Variants in IKZF1 observed in about 807,000 individuals in gnomAD.
IKZF1 encodes the protein IKAROS family zinc finger 1.
A neutral mutation model predicts 51.7 loss-of-function variants in IKZF1; 10 were observed. The ratio of observed to expected loss-of-function variants is 0.19; its 90% CI spans 0.12 to 0.33. The LOEUF is 0.33. Among genes scored for constraint, IKZF1 ranks in the 10% least tolerant of loss-of-function variants. The probability of loss-of-function intolerance (pLI) is 1.00; values close to 1 mark genes in which losing one functional copy is unlikely to be tolerated. For synonymous variants in IKZF1, 280 were observed against 282.3 expected (o/e 0.99, Z 0.08); for missense variants, 484 against 707.5 (o/e 0.68, Z 3.58).
chr7:50,348,387 A>G (rs1450513847), intron 3 of IKZF1, among the ~76,000 whole-genome samples: 1 of 152,216 alleles, frequency 6.6e-6, no homozygotes, highest in Non-Finnish European at 1.5e-5. Context: ...CACGTTGGCT[A>G]TTAGCAGAAT....
At chr7:50,334,963 G>A (rs1797299707) in intron 3 of IKZF1, among the ~76,000 whole-genome samples, 1 of 151,178 alleles carries the variant, frequency 6.6e-6, no homozygotes, top group Non-Finnish European at 1.5e-5. Context: ...TGTGTGGTGT[G>A]TGTGCAAGTA....
chr7:50,327,816 CA>C, intron 3 of IKZF1, 59 bp downstream of exon 3: 3 of 1,504,774 alleles, frequency 2.0e-6, no homozygotes, highest in Non-Finnish European at 1.8e-6. Flanking sequence ...TGTATTTTTC[CA>C]AGACAGTGAT....
chr7:50,350,018 C>T (rs1801426811), intron 3 of IKZF1, among the ~76,000 whole-genome samples: 1 of 152,210 alleles, frequency 6.6e-6, no homozygotes, highest in Admixed American at 6.5e-5. Flanking sequence ...CACATGAAAT[C>T]ACCCCCACAT....
chr7:50,333,548 C>T (rs1796889169), intron 3 of IKZF1, among the ~76,000 whole-genome samples: 1 of 152,148 alleles, frequency 6.6e-6, no homozygotes, highest in African/African-American at 2.4e-5. Context: ...CGATAAACCC[C>T]ATTTTAGCTG....
chr7:50,386,464 T>C (rs537826006), intron 5 of IKZF1, among the ~76,000 whole-genome samples: 17 of 152,356 alleles, frequency 1.1e-4, no homozygotes, highest in Admixed American at 9.8e-4. Context: ...ATTTCTATCA[T>C]CATAGGAAGT....
chr7:50,376,439 CACACCTATT>C lies in IKZF1; in HGVS notation c.161-93_161-85del. The C allele has an allele frequency of 6.5e-7, 1 of 1,549,860 alleles. No homozygotes were observed. ...TAAGAACTTCTGTTTAGTAGCTCTCCACACCTATTTGATTGTCTTTTTGCTGCTGTGTTG... is the reference window on the plus strand; with the variant it reads ...TAAGAACTTCTGTTTAGTAGCTCTCCTGATTGTCTTTTTGCTGCTGTGTTG... On this transcript the variant is annotated intron_variant, in intron 3 of 7. Coordinates refer to ENST00000331340, the MANE Select transcript of IKZF1 (RefSeq NM_006060.6). This position sits in a 1 kb window ranked among gnomAD's most constrained non-coding sequence, Gnocchi z 4.5.
intron 3 of IKZF1, among the ~76,000 whole-genome samples, chr7:50,375,685 A>G (rs1230138205): frequency 6.6e-6 from 1 of 150,484 alleles, no homozygotes; most frequent in Non-Finnish European, 1.5e-5. Context: ...TGTATTCAAG[A>G]CACTAAAAGT....
rs1326220993 is a variant in IKZF1, at chr7:50,376,691, G to T, written c.319G>T (p.Val107Phe). 1.2e-6 allele frequency: 2 copies of T among 1,613,884 alleles called. No individual in the cohort carries two copies. Among genetic ancestry groups the T allele is most frequent in the African/African-American group, 2.7e-5 (2 of 74,912 alleles). ...RDQGSSALSG[V>F]GGIRLPNGKL... ...CCAAGGCAGCTCGGCTTTGTCGGGA[G>T]TTGGAGGCATTCGACTTCCTAACGG... is the stretch of plus-strand genomic sequence containing the variant. The change falls in exon 4 of 8, where the codon GTT becomes TTT. Residue 107 changes from valine (V) to phenylalanine (F), a missense_variant. Transcript: ENST00000331340. This position sits in a 1 kb window ranked among gnomAD's most constrained non-coding sequence, Gnocchi z 4.5.
chr7:50,382,601 C>G lies in IKZF1; in HGVS notation c.483C>G (p.Leu161=). Residue 161 remains leucine (L), a synonymous_variant, in exon 5 of 8, where the codon CTC becomes CTG. Coordinates refer to ENST00000331340, the MANE Select transcript of IKZF1 (RefSeq NM_006060.6). Reference sequence around the variant, plus strand: ...CATTCACCCAGAAGGGCAACCTGCTCCGGCACATCAAGCTGCATTCCGGGG... The same window carrying G: ...CATTCACCCAGAAGGGCAACCTGCTGCGGCACATCAAGCTGCATTCCGGGG... ...GASFTQKGNL[L]RHIKLHSGEK... is the part of the protein sequence containing the mutation. 1.9e-6 allele frequency: 3 copies of G among 1,613,820 alleles called. No homozygotes were observed. Among genetic ancestry groups the G allele is most frequent in the Non-Finnish European group, 2.5e-6 (3 of 1,179,866 alleles).
At chr7:50,311,954 G>A (rs2153342701) in intron 1 of IKZF1, among the ~76,000 whole-genome samples, 1 of 152,180 alleles carries the variant, frequency 6.6e-6, no homozygotes, top group South Asian at 2.1e-4. Context: ...TCTTATTATA[G>A]TAAATTACCA....
At chr7:50,392,616 G>A (rs770221416) in intron 7 of IKZF1, among the ~76,000 whole-genome samples, 2 of 152,158 alleles carry the variant, frequency 1.3e-5, no homozygotes, top group Admixed American at 1.3e-4. Flanking sequence ...TAGAGCCCTG[G>A]TTCCATCCTT....
intron 3 of IKZF1, among the ~76,000 whole-genome samples, chr7:50,354,121 G>A (rs767312474): frequency 1.8e-4 from 27 of 152,222 alleles, no homozygotes; most frequent in Non-Finnish European, 2.6e-4. Context: ...TGCAAGGTGC[G>A]TCTTTAGCAG....
intron 3 of IKZF1, among the ~76,000 whole-genome samples, chr7:50,362,881 A>C (rs1394280346): frequency 6.6e-6 from 1 of 152,194 alleles, no homozygotes; most frequent in Non-Finnish European, 1.5e-5. Flanking sequence ...AAACAAACTC[A>C]CATGCCAGAC....
In IKZF1 at chr7:50,403,014, G is replaced by A. The variant is rs531386851; in HGVS notation, c.*2387G>A. 1 of 226,254 alleles carries A rather than the reference G, an allele frequency of 4.4e-6. No individual in the cohort carries two copies. The highest frequency in any genetic ancestry group is 2.2e-5 in the African/African-American group (1 of 44,922). The allele number at this position is 226,254 out of a possible 1,614,324, so 14.0% of individuals were successfully genotyped here. A position where few individuals can be genotyped will look rare whatever the true frequency, so the allele number is the denominator to read the frequency against. ...TCCCCCTGAGTCAGTTGGTTGAAGG[G>A]AGTTATTTTTTCAAGTGGAATTCAA... On this transcript the variant is annotated 3_prime_UTR_variant, in exon 8 of 8. Transcript: ENST00000331340.
At chr7:50,352,388 AGT>A (rs1372464712) in intron 3 of IKZF1, among the ~76,000 whole-genome samples, 7 of 152,176 alleles carry the variant, frequency 4.6e-5, no homozygotes, top group Non-Finnish European at 7.3e-5. Context: ...GCCTAAAGAG[AGT>A]GTGTGTAAGT....
chr7:50,318,015 C>T (rs1280195046), intron 1 of IKZF1, among the ~76,000 whole-genome samples: 2 of 152,218 alleles, frequency 1.3e-5, no homozygotes, highest in Non-Finnish European at 2.9e-5. Context: ...AGGAGCTCTC[C>T]TGAAAGTCAT....
intron 1 of IKZF1, among the ~76,000 whole-genome samples, chr7:50,310,335 A>G (rs567234356): frequency 6.6e-6 from 1 of 152,322 alleles, no homozygotes; most frequent in African/African-American, 2.4e-5. Flanking sequence ...AATAATTTCA[A>G]CTTACTTAAG....
At chr7:50,384,970 T>C (rs1428162290) in intron 5 of IKZF1, among the ~76,000 whole-genome samples, 1 of 152,232 alleles carries the variant, frequency 6.6e-6, no homozygotes, top group Non-Finnish European at 1.5e-5. Context: ...CCTTTCTTGT[T>C]GTGGAGTTAG....
upstream of IKZF1, chr7:50,304,205 G>A (rs928278889): frequency 2.7e-5 from 4 of 150,182 alleles, no homozygotes. Flanking sequence ...CGGCCCCTCT[G>A]GCCCGGAGTT....
Sources: gnomAD v4.1 joint callset for allele counts (sites outside exome capture counted in the v4.1 genomes callset) on GRCh38, gnomAD v4.1.1 for gene constraint, Gnocchi (gnomAD v3.1) non-coding constraint, MANE v1.5 for transcripts, NCBI Gene and HGNC (gene_info 2026-07-23, HGNC 2026-07-21) for gene names.